Variants in BCL2 observed in about 807,000 individuals in gnomAD.
BCL2 encodes the protein apoptosis regulator Bcl-2.
BCL2 carries 1 observed loss-of-function variant against 14.2 expected under a neutral mutation model. That is an observed-to-expected ratio of 0.07 (90% CI 0.02 to 0.33). BCL2 has a LOEUF of 0.33. Among genes scored for constraint, BCL2 ranks in the 10% least tolerant of loss-of-function variants. The pLI is 0.99. For missense variants in BCL2, 247 were observed against 305.9 expected (o/e 0.81, Z 1.44); for synonymous variants, 151 against 137.2 (o/e 1.10, Z -0.70).
intron 2 of BCL2, among the ~76,000 whole-genome samples, chr18:63,217,359 A>C (rs1910233789): frequency 6.6e-6 from 1 of 152,186 alleles, no homozygotes; most frequent in Non-Finnish European, 1.5e-5. Flanking sequence ...TTGTCAGAAA[A>C]AGTCAATGTG....
chr18:63,221,418 G>GA (rs1198296621), intron 2 of BCL2, among the ~76,000 whole-genome samples: 1 of 151,840 alleles, frequency 6.6e-6, no homozygotes, highest in South Asian at 2.1e-4. Flanking sequence ...AAGTTTGGGG[G>GA]AAAAAAAGGG....
chr18:63,181,250 CCT>C (rs916012447), intron 2 of BCL2, among the ~76,000 whole-genome samples: 99 of 152,306 alleles, frequency 6.5e-4, no homozygotes, highest in African/African-American at 1.8e-3. Context: ...CAAAATTACC[CCT>C]GTGTGGCTGC....
intron 2 of BCL2, among the ~76,000 whole-genome samples, chr18:63,227,094 C>T (rs1910570837): frequency 6.6e-6 from 1 of 151,696 alleles, no homozygotes; most frequent in Non-Finnish European, 1.5e-5. Flanking sequence ...AGAGAGAGAA[C>T]CCTCTAAATA....
intron 2 of BCL2, among the ~76,000 whole-genome samples, chr18:63,225,127 A>G (rs1216255477): frequency 6.6e-6 from 1 of 152,196 alleles, no homozygotes; most frequent in East Asian, 1.9e-4. Context: ...GATAGAGGAA[A>G]AGTCTGTACC....
At chr18:63,314,907 G>A (rs772841815) in intron 2 of BCL2, 8 of 152,114 alleles carry the variant, frequency 5.3e-5, no homozygotes, top group Non-Finnish European at 1.2e-4. Flanking sequence ...TGATCTACCT[G>A]CTTGCTATCT....
At chr18:63,289,673 C>T (rs969209768) in intron 2 of BCL2, among the ~76,000 whole-genome samples, 3 of 152,114 alleles carry the variant, frequency 2.0e-5, no homozygotes, top group Non-Finnish European at 4.4e-5. Context: ...GCAGGTGGAT[C>T]ACTTGAGGTC....
At chr18:63,190,021 G>A (rs1034043275) in intron 2 of BCL2, among the ~76,000 whole-genome samples, 1 of 152,060 alleles carries the variant, frequency 6.6e-6, no homozygotes, top group Non-Finnish European at 1.5e-5. Flanking sequence ...AGCTGCCTGG[G>A]GGTTTACTGC....
At chr18:63,156,322 T>C (rs984952121) in intron 2 of BCL2, among the ~76,000 whole-genome samples, 3 of 152,194 alleles carry the variant, frequency 2.0e-5, no homozygotes, top group African/African-American at 7.2e-5. Context: ...CTTAGATCAA[T>C]TGACATTCTG....
At chr18:63,313,732 T>C (rs1913407429) in intron 2 of BCL2, 1 of 152,208 alleles carries the variant, frequency 6.6e-6, no homozygotes, top group East Asian at 1.9e-4. Flanking sequence ...CACTCGCTCA[T>C]GAGTGGGCGT....
intron 2 of BCL2, among the ~76,000 whole-genome samples, chr18:63,243,581 T>C (rs563326698): frequency 1.4e-4 from 21 of 152,302 alleles, no homozygotes; most frequent in Admixed American, 1.1e-3. Flanking sequence ...GTGAAGTCTG[T>C]GCAGGGAGGA....
At chr18:63,150,032 C>T (rs758076335) in intron 2 of BCL2, among the ~76,000 whole-genome samples, 11 of 152,294 alleles carry the variant, frequency 7.2e-5, no homozygotes, top group South Asian at 4.1e-4. Context: ...AGGCACCCAC[C>T]GCCATGCCTG....
At chr18:63,209,542 C>T (rs1254124673) in intron 2 of BCL2, among the ~76,000 whole-genome samples, 1 of 152,132 alleles carries the variant, frequency 6.6e-6, no homozygotes, top group Non-Finnish European at 1.5e-5. Flanking sequence ...CAACCCAATA[C>T]ACTGTACCCA....
At chr18:63,218,696 T>TCATCCCCATC in intron 2 of BCL2, among the ~76,000 whole-genome samples, 1 of 746 alleles carries the variant, frequency 1.3e-3, no homozygotes, top group Non-Finnish European at 2.6e-3. Context: ...CTCATCCCAT[T>TCATCCCCATC]CTCCACTCAT....
rs75344362 is a variant in BCL2 at position 63,279,683 on chromosome 18, A to C, written c.585+38399T>G. Among the ~76,000 whole-genome samples the C allele has an allele frequency of 5.2e-3, 798 of 152,380 alleles. 8 individuals carry two copies. The highest frequency in any genetic ancestry group is 0.018 in the African/African-American group (768 of 41,592). On this transcript the variant is annotated intron_variant, in intron 2 of 2. Coordinates refer to ENST00000333681, the MANE Select transcript of BCL2 (RefSeq NM_000633.3). ...AGCATTATATATCATAACAAAAACA[A>C]CAGGATGAATAAATACAGTGGGTGA...
At position 63,318,163 on chromosome 18, in the gene BCL2, G is replaced by A; in HGVS notation, c.504C>T (p.Pro168=). ...TCCACAGGGCGATGTTGTCCACCAG[G>A]GGCGACATCTCCCGGTTGACGCTCT... ...CVESVNREMS[P]LVDNIALWMT... is the part of the protein sequence containing the mutation. Residue 168 remains proline (P), a synonymous_variant, in exon 2 of 3, where the codon CCC becomes CCT. Transcript: ENST00000333681. The surrounding 1 kb of genome is among the most constrained non-coding windows in gnomAD (Gnocchi z 7.4). 6.2e-6 allele frequency: 10 copies of A among 1,614,100 alleles called. No individual in the cohort carries two copies. The highest frequency in any genetic ancestry group is 8.5e-6 in the Non-Finnish European group (10 of 1,180,010).
At chr18:63,242,426 G>T (rs1911032918) in intron 2 of BCL2, among the ~76,000 whole-genome samples, 1 of 152,238 alleles carries the variant, frequency 6.6e-6, no homozygotes, top group Admixed American at 6.5e-5. Flanking sequence ...AACAAACCCT[G>T]AGACCCCATT....
chr18:63,212,124 G>C (rs565451453), intron 2 of BCL2, among the ~76,000 whole-genome samples: 1 of 151,866 alleles, frequency 6.6e-6, no homozygotes, highest in Non-Finnish European at 1.5e-5. Flanking sequence ...TCAGGAGTTC[G>C]AGACCATCCT....
chr18:63,314,012 A>G (rs1913416849), intron 2 of BCL2: 1 of 152,172 alleles, frequency 6.6e-6, no homozygotes, highest in Non-Finnish European at 1.5e-5. Context: ...GCAACAAAAC[A>G]GAAAAGAGAA....
intron 2 of BCL2, among the ~76,000 whole-genome samples, chr18:63,198,177 T>TACACAC (rs113352488): frequency 7.1e-6 from 1 of 140,048 alleles, no homozygotes; most frequent in African/African-American, 2.6e-5. Context: ...CACACAGACA[T>TACACAC]ACACACACAC....
Sources: gnomAD v4.1 joint callset for allele counts (sites outside exome capture counted in the v4.1 genomes callset) on GRCh38, gnomAD v4.1.1 for gene constraint, Gnocchi (gnomAD v3.1) non-coding constraint, MANE v1.5 for transcripts, NCBI Gene and HGNC (gene_info 2026-07-23, HGNC 2026-07-21) for gene names.